Variants in ROBO1 observed in about 807,000 individuals in gnomAD.
ROBO1 encodes roundabout homolog 1.
Under a neutral mutation model 195.9 loss-of-function variants are expected in ROBO1, and 149 were observed. That is an observed-to-expected ratio of 0.76 (90% CI 0.67 to 0.87). ROBO1 has a LOEUF of 0.87. Ranked by LOEUF, ROBO1 falls within the 40% of genes least tolerant of loss-of-function variation. ROBO1 has a pLI of 0.00. For missense variants in ROBO1, 1,933 were observed against 2,068.3 expected (o/e 0.93, Z 1.27); for synonymous variants, 816 against 733.2 (o/e 1.11, Z -1.82).
chr3:79,398,744 A>G (rs2037246801), intron 2 of ROBO1, among the ~76,000 whole-genome samples: 1 of 152,034 alleles, frequency 6.6e-6, no homozygotes, highest in South Asian at 2.1e-4. Flanking sequence ...AATTACAAAA[A>G]CCAAATGACC....
chr3:79,563,515 T>C (rs940731350), intron 2 of ROBO1, among the ~76,000 whole-genome samples: 3 of 152,132 alleles, frequency 2.0e-5, no homozygotes, highest in Non-Finnish European at 4.4e-5. Context: ...TTGGCATATA[T>C]ACTCTGTAAA....
At chr3:78,719,974 A>T (rs984832833) in intron 5 of ROBO1, among the ~76,000 whole-genome samples, 9 of 152,144 alleles carry the variant, frequency 5.9e-5, no homozygotes, top group Non-Finnish European at 8.8e-5. Context: ...TATCATTTAA[A>T]TTTTTGTCTT....
chr3:79,715,052 A>G (rs959361054), intron 1 of ROBO1, among the ~76,000 whole-genome samples: 1 of 152,112 alleles, frequency 6.6e-6, no homozygotes, highest in African/African-American at 2.4e-5. Context: ...AATTACTGCA[A>G]TCTCATGATA....
intron 4 of ROBO1, among the ~76,000 whole-genome samples, chr3:78,769,528 T>C (rs1323183614): frequency 1.3e-5 from 2 of 151,818 alleles, no homozygotes; most frequent in Non-Finnish European, 2.9e-5. Flanking sequence ...ATCTTTTAAG[T>C]GGAACATTTA....
At chr3:79,011,579 A>G (rs2077777689) in intron 3 of ROBO1, among the ~76,000 whole-genome samples, 2 of 151,786 alleles carry the variant, frequency 1.3e-5, no homozygotes, top group Non-Finnish European at 2.9e-5. Flanking sequence ...AGTGCAGAGA[A>G]GCTAAAATCT....
intron 1 of ROBO1, among the ~76,000 whole-genome samples, chr3:79,764,500 T>C (rs1704878022): frequency 6.6e-6 from 1 of 152,240 alleles, no homozygotes; most frequent in South Asian, 2.1e-4. Flanking sequence ...ACATTTCAAA[T>C]GGTGCATTGC....
intron 3 of ROBO1, among the ~76,000 whole-genome samples, chr3:79,059,137 T>G (rs111707712): frequency 0.012 from 1,780 of 152,224 alleles, 45 homozygotes; most frequent in African/African-American, 0.04. Context: ...TCAGATTTCT[T>G]CATCACCCCG....
At chr3:79,742,794 C>T (rs1366663816) in intron 1 of ROBO1, among the ~76,000 whole-genome samples, 2 of 152,102 alleles carry the variant, frequency 1.3e-5, no homozygotes, top group African/African-American at 2.4e-5. Flanking sequence ...GTGACATTAG[C>T]AGTTCTTACA....
chr3:78,854,406 T>C (rs891012246), intron 4 of ROBO1, among the ~76,000 whole-genome samples: 3 of 150,122 alleles, frequency 2.0e-5, no homozygotes, highest in African/African-American at 7.3e-5. Context: ...TGTGGGAGTG[T>C]GTGTACACAT....
At chr3:78,798,585 C>T (rs184241001) in intron 4 of ROBO1, among the ~76,000 whole-genome samples, 41 of 152,308 alleles carry the variant, frequency 2.7e-4, no homozygotes, top group African/African-American at 9.6e-4. Flanking sequence ...TATCAGCATG[C>T]TCCCAAATTA....
At chr3:79,606,593 A>G (rs1056310931) in intron 1 of ROBO1, among the ~76,000 whole-genome samples, 4 of 151,794 alleles carry the variant, frequency 2.6e-5, no homozygotes, top group Admixed American at 1.3e-4. Flanking sequence ...TGTATTACTT[A>G]ACCTGTTATT....
chr3:79,052,407 G>A (rs1442715737), intron 3 of ROBO1, among the ~76,000 whole-genome samples: 1 of 152,024 alleles, frequency 6.6e-6, no homozygotes, highest in Non-Finnish European at 1.5e-5. Flanking sequence ...TGCTCAGCAG[G>A]ACATGGACCT....
intron 3 of ROBO1, among the ~76,000 whole-genome samples, chr3:79,049,797 T>C (rs2108360789): frequency 6.6e-6 from 1 of 152,234 alleles, no homozygotes; most frequent in South Asian, 2.1e-4. Flanking sequence ...CCAGCCAAAC[T>C]AAGCTTCATA....
At chr3:79,253,464 T>C (rs774846504) in intron 2 of ROBO1, among the ~76,000 whole-genome samples, 33 of 152,208 alleles carry the variant, frequency 2.2e-4, no homozygotes, top group Non-Finnish European at 4.6e-4. Context: ...AACAACGGCA[T>C]TGAAGATGTG....
chr3:79,055,568 A>C (rs963413512), intron 3 of ROBO1, among the ~76,000 whole-genome samples: 1 of 152,082 alleles, frequency 6.6e-6, no homozygotes, highest in African/African-American at 2.4e-5. Flanking sequence ...ATTCAGCCTT[A>C]TATCACACCA....
intron 1 of ROBO1, among the ~76,000 whole-genome samples, chr3:79,763,318 G>A (rs1162597805): frequency 6.6e-6 from 1 of 152,132 alleles, no homozygotes; most frequent in African/African-American, 2.4e-5. Flanking sequence ...GATAATGTAT[G>A]TAAAAGTATA....
chr3:78,927,816 A>C (rs868379441), intron 4 of ROBO1, among the ~76,000 whole-genome samples: 3 of 152,330 alleles, frequency 2.0e-5, no homozygotes, highest in South Asian at 2.1e-4. Context: ...CCCAGGAGAA[A>C]GAAAGATTAT....
intron 2 of ROBO1, among the ~76,000 whole-genome samples, chr3:79,454,767 A>G (rs2039561679): frequency 6.6e-6 from 1 of 152,014 alleles, no homozygotes; most frequent in Non-Finnish European, 1.5e-5. Flanking sequence ...TCTCATCTTT[A>G]CATTTGTTTC....
chr3:78,711,364 TTCCTTCCTTC>T (rs1559772998), intron 8 of ROBO1, among the ~76,000 whole-genome samples: 67 of 39,674 alleles, frequency 1.7e-3, no homozygotes, highest in African/African-American at 6.7e-3. Flanking sequence ...CCTTCCTTCC[TTCCTTCCTTC>T]CTTCCTTCCT....
Sources: allele counts gnomAD v4.1 joint callset (sites outside exome capture counted in the v4.1 genomes callset), GRCh38; gene constraint gnomAD v4.1.1; transcripts MANE v1.5; gene names NCBI Gene and HGNC (gene_info 2026-07-23, HGNC 2026-07-21).